DENND4C: variants seen among roughly 807,000 people sequenced by gnomAD.
The protein encoded by DENND4C is DENN domain-containing protein 4C.
Under a neutral mutation model 203.0 loss-of-function variants are expected in DENND4C, and 108 were observed. The ratio of observed to expected loss-of-function variants is 0.53; its 90% CI spans 0.46 to 0.62. DENND4C has a LOEUF of 0.62. Among genes scored for constraint, DENND4C ranks in the 20% least tolerant of loss-of-function variants. The pLI, the probability that DENND4C is intolerant of heterozygous loss-of-function variation, is 0.00. For missense variants in DENND4C, 2,481 were observed against 2,301.2 expected, an observed-to-expected ratio of 1.08 and a Z score of -1.60; for synonymous variants, 871 against 792.4, an observed-to-expected ratio of 1.10 and a Z score of -1.67.
intron 2 of DENND4C, among the ~76,000 whole-genome samples, chr9:19,283,610 C>CTTTTTTTTTTTTTT (rs553611899): frequency 6.9e-5 from 8 of 116,600 alleles, no homozygotes; most frequent in Admixed American, 3.0e-4. Flanking sequence ...TTTTTTCTTT[C>CTTTTTTTTTTTTTT]TTTTTTTTTT....
chr9:19,270,622 A>G (rs575672844), intron 1 of DENND4C, among the ~76,000 whole-genome samples: 1 of 152,162 alleles, frequency 6.6e-6, no homozygotes, highest in South Asian at 2.1e-4. Context: ...GGTTGTTTTC[A>G]CCTTTTGGCT....
intron 12 of DENND4C, among the ~76,000 whole-genome samples, chr9:19,317,861 G>A (rs944446284): frequency 6.6e-6 from 1 of 152,184 alleles, no homozygotes; most frequent in African/African-American, 2.4e-5. Context: ...TTCAAAATGG[G>A]TGTTTTGGAA....
At chr9:19,338,016 T>C (rs1485605718) in intron 20 of DENND4C, among the ~76,000 whole-genome samples, 1 of 152,204 alleles carries the variant, frequency 6.6e-6, no homozygotes. Context: ...TTCCAAAACT[T>C]ATCTGCTGAA....
intron 10 of DENND4C, among the ~76,000 whole-genome samples, chr9:19,306,301 T>A (rs1217876686): frequency 1.3e-5 from 2 of 152,160 alleles, no homozygotes; most frequent in Non-Finnish European, 2.9e-5. Context: ...GTAGAATTCG[T>A]TGGGAAAATA....
intron 2 of DENND4C, among the ~76,000 whole-genome samples, chr9:19,283,610 C>CTTTTTT (rs553611899): frequency 2.4e-3 from 282 of 116,450 alleles, no homozygotes; most frequent in Non-Finnish European, 3.4e-3. Context: ...TTTTTTCTTT[C>CTTTTTT]TTTTTTTTTT....
At chr9:19,257,813 C>A (rs1342290691) in intron 1 of DENND4C, among the ~76,000 whole-genome samples, 1 of 152,124 alleles carries the variant, frequency 6.6e-6, no homozygotes, top group African/African-American at 2.4e-5. Context: ...CCTTGAAAGA[C>A]ACAAACTACA....
intron 1 of DENND4C, among the ~76,000 whole-genome samples, chr9:19,256,491 C>G (rs2131685651): frequency 6.6e-6 from 1 of 151,500 alleles, no homozygotes; most frequent in East Asian, 2.0e-4. Context: ...TAATTTTGTA[C>G]TTTTAGAAGA....
In DENND4C at chr9:19,260,246, C is replaced by T. The variant is rs548224537; in HGVS notation, c.-17-15912C>T. On this transcript the variant is annotated intron_variant, in intron 1 of 32. Coordinates refer to ENST00000434457, the MANE Select transcript of DENND4C (RefSeq NM_001330640.2). Reference sequence around the variant, plus strand: ...TGACCAGTGATGTAGAGCACCTTTTCGTATACCTGTTTGACATTCATATGT... The same window carrying T: ...TGACCAGTGATGTAGAGCACCTTTTTGTATACCTGTTTGACATTCATATGT... Among the ~76,000 whole-genome samples, 8 of 152,242 alleles carry T rather than the reference C, an allele frequency of 5.3e-5. No individual in the cohort carries two copies. In the East Asian group the frequency reaches 1.5e-3, roughly 29 times the overall value.
intron 1 of DENND4C, among the ~76,000 whole-genome samples, chr9:19,254,694 C>T (rs973695504): frequency 6.6e-6 from 1 of 152,018 alleles, no homozygotes; most frequent in African/African-American, 2.4e-5. Flanking sequence ...TGTAAGTGAC[C>T]CATGGTCACT....
intron 1 of DENND4C, among the ~76,000 whole-genome samples, chr9:19,248,555 A>T (rs1305596579): frequency 6.6e-6 from 1 of 151,640 alleles, no homozygotes; most frequent in Non-Finnish European, 1.5e-5. Flanking sequence ...TCGCCTGGCT[A>T]ATTTTTGTAT....
intron 12 of DENND4C, among the ~76,000 whole-genome samples, chr9:19,323,685 G>T (rs1382094555): frequency 1.3e-5 from 2 of 152,138 alleles, no homozygotes; most frequent in Non-Finnish European, 2.9e-5. Flanking sequence ...TAATGGTCTT[G>T]CAACATTAAA....
intron 16 of DENND4C, among the ~76,000 whole-genome samples, chr9:19,330,359 A>G (rs924905391): frequency 5.1e-5 from 4 of 78,312 alleles, no homozygotes; most frequent in African/African-American, 1.6e-4. Flanking sequence ...TTTTTTTTTA[A>G]GATGGAGTCT....
In DENND4C at chr9:19,324,307, A is replaced by G. The variant is rs114930660; in HGVS notation, c.1808-55A>G. 707 of 1,365,780 alleles carry G rather than the reference A, an allele frequency of 5.2e-4. 1 individual carries two copies. The African/African-American group carries it at 9.6e-3, about 19-fold the overall frequency. The allele number at this position is 1,365,780 out of a possible 1,614,324, so 84.6% of individuals were successfully genotyped here. ...GATAAGTACAAGTTTAATGTTTCCTATAATATCGAATTCCAGTTTAAAATT... is the reference window on the plus strand; with the variant it reads ...GATAAGTACAAGTTTAATGTTTCCTGTAATATCGAATTCCAGTTTAAAATT... On this transcript the variant is annotated intron_variant, in intron 12 of 32. Transcript: ENST00000434457.
At chr9:19,281,239 C>G (rs1378210333) in intron 2 of DENND4C, among the ~76,000 whole-genome samples, 1 of 83,704 alleles carries the variant, frequency 1.2e-5, no homozygotes, top group Non-Finnish European at 2.8e-5. Context: ...GTTCCTAAGG[C>G]TTCTAATTTT....
intron 9 of DENND4C, among the ~76,000 whole-genome samples, chr9:19,303,495 A>C (rs968583081): frequency 2.0e-5 from 3 of 152,202 alleles, no homozygotes; most frequent in Non-Finnish European, 2.9e-5. Flanking sequence ...ATGGTTCACA[A>C]GGCCTAAAAT....
rs376305311 is a variant in DENND4C at position 19,352,053 on chromosome 9, C to T, written c.4496-20C>T. 6.2e-5 allele frequency: 98 copies of T among 1,578,170 alleles called. No individual in the cohort carries two copies. In the Middle Eastern group the frequency reaches 1.3e-3, roughly 21 times the overall value. On this transcript the variant is annotated intron_variant, in intron 24 of 32. Transcript: ENST00000434457. ...AGGACATTCCTTACTTAAGGTATTA[C>T]GATGTATATTCCTTTGTAGGTGAAG...
intron 1 of DENND4C, among the ~76,000 whole-genome samples, chr9:19,242,957 G>A (rs1376819567): frequency 1.3e-5 from 2 of 151,946 alleles, no homozygotes; most frequent in African/African-American, 2.4e-5. Context: ...CCTGGCCTAA[G>A]TTTTTCCTTT....
intron 9 of DENND4C, among the ~76,000 whole-genome samples, chr9:19,304,844 C>T (rs993960486): frequency 1.3e-4 from 19 of 151,680 alleles, no homozygotes; most frequent in African/African-American, 3.9e-4. Context: ...CCACCGCGCC[C>T]GGCCATGAAT....
At chr9:19,267,183 T>C (rs1297132807) in intron 1 of DENND4C, among the ~76,000 whole-genome samples, 1 of 152,190 alleles carries the variant, frequency 6.6e-6, no homozygotes, top group African/African-American at 2.4e-5. Flanking sequence ...GTCTGGAAGA[T>C]CTGTCCAGTG....
Sources: gnomAD v4.1 joint callset for allele counts (sites outside exome capture counted in the v4.1 genomes callset) on GRCh38, gnomAD v4.1.1 for gene constraint, MANE v1.5 for transcripts, NCBI Gene and HGNC (gene_info 2026-07-23, HGNC 2026-07-21) for gene names.